The following ETV6 variants were observed in gnomAD, a reference collection of about 807,000 sequenced individuals.
ETV6 encodes the protein ETS variant transcription factor 6, also known as transcription factor ETV6.
ETV6 carries 16 observed loss-of-function variants against 51.1 expected under a neutral mutation model. That is an observed-to-expected ratio of 0.31 (90% CI 0.21 to 0.48). The LOEUF (loss-of-function observed/expected upper bound fraction) is 0.48. ETV6 is among the 20% of genes least tolerant of loss of function. The pLI is 0.99. For missense variants in ETV6, 458 were observed against 594.8 expected (o/e 0.77, Z 2.39); for synonymous variants, 240 against 224.1 (o/e 1.07, Z -0.64).
chr12:11,698,134 G>C (rs1029637120), intron 1 of ETV6, among the ~76,000 whole-genome samples: 2 of 152,142 alleles, frequency 1.3e-5, no homozygotes, highest in African/African-American at 4.8e-5. Context: ...TCTGTCCTTA[G>C]TTTCCTGTCC....
rs145370111 is a variant in ETV6 at position 11,839,416 on chromosome 12, G to C, written c.328+112G>C. ...AAATCCCAACAGTGAGTCATCACAA[G>C]GAAGGGATGACGATGGAAGGAAGTT... On this transcript the variant is annotated intron_variant, in intron 3 of 7. Transcript: ENST00000396373. The C allele has an allele frequency of 3.0e-4, 327 of 1,089,040 alleles. No individual in the cohort carries two copies. The African/African-American group carries it at 4.9e-3, about 16-fold the overall frequency. The allele number at this position is 1,089,040 out of a possible 1,614,324, so 67.5% of individuals were successfully genotyped here. A position where few individuals can be genotyped will look rare whatever the true frequency, so the allele number is the denominator to read the frequency against.
intron 1 of ETV6, among the ~76,000 whole-genome samples, chr12:11,724,786 C>T (rs2120944193): frequency 6.6e-6 from 1 of 152,328 alleles, no homozygotes; most frequent in African/African-American, 2.4e-5. Flanking sequence ...AGAGGCTTGT[C>T]TGGCTGTGAG....
At chr12:11,879,035 C>T (rs1014480183) in intron 5 of ETV6, among the ~76,000 whole-genome samples, 2 of 152,114 alleles carry the variant, frequency 1.3e-5, no homozygotes, top group Non-Finnish European at 2.9e-5. Flanking sequence ...ACCAGAAATG[C>T]CTCCAGATAT....
At chr12:11,676,328 C>A (rs989084727) in intron 1 of ETV6, among the ~76,000 whole-genome samples, 1 of 152,240 alleles carries the variant, frequency 6.6e-6, no homozygotes, top group African/African-American at 2.4e-5. Flanking sequence ...CTCCCTCCCC[C>A]AGTCCCAGAT....
intron 1 of ETV6, among the ~76,000 whole-genome samples, chr12:11,662,052 A>G (rs34744715): frequency 0.038 from 5,725 of 152,214 alleles, 126 homozygotes; most frequent in Admixed American, 0.063. Flanking sequence ...GGTGTTAGGT[A>G]ACATCTCAAG....
chr12:11,711,864 A>G (rs913925944), intron 1 of ETV6, among the ~76,000 whole-genome samples: 4 of 152,294 alleles, frequency 2.6e-5, no homozygotes, highest in South Asian at 4.1e-4. Flanking sequence ...ATTGTATGGT[A>G]TTTCCCAACC....
At chr12:11,882,074 AAGG>A (rs1378114639) in intron 5 of ETV6, among the ~76,000 whole-genome samples, 1 of 152,200 alleles carries the variant, frequency 6.6e-6, no homozygotes. Context: ...TTGTTTTAAG[AAGG>A]AGGCCACTTG....
chr12:11,757,102 T>C (rs1234319692), intron 2 of ETV6, among the ~76,000 whole-genome samples: 1 of 152,172 alleles, frequency 6.6e-6, no homozygotes, highest in African/African-American at 2.4e-5. Context: ...ATAGCCATAA[T>C]AGCCGCTCGG....
intron 1 of ETV6, among the ~76,000 whole-genome samples, chr12:11,728,458 C>A (rs1476972649): frequency 7.0e-6 from 1 of 141,954 alleles, no homozygotes; most frequent in East Asian, 2.3e-4. Flanking sequence ...AGCACGAACC[C>A]TGTTGTGAAT....
At chr12:11,853,398 C>G in intron 3 of ETV6, 29 bp from the exon 4 acceptor site, 1 of 1,613,616 alleles carries the variant, frequency 6.2e-7, no homozygotes, top group South Asian at 1.1e-5. Context: ...CTTTCCATTT[C>G]TCGATTTCCC....
chr12:11,860,258 G>T (rs1032817141), intron 4 of ETV6, among the ~76,000 whole-genome samples: 2 of 152,208 alleles, frequency 1.3e-5, no homozygotes, highest in Non-Finnish European at 2.9e-5. Context: ...TGCTGGAATC[G>T]TGTTGATGAC....
intron 1 of ETV6, among the ~76,000 whole-genome samples, chr12:11,735,856 T>G (rs1865694347): frequency 6.6e-6 from 1 of 152,228 alleles, no homozygotes; most frequent in African/African-American, 2.4e-5. Flanking sequence ...CGCCTTGGCC[T>G]CCCAAAGTGC....
At chr12:11,731,263 C>A (rs902227310) in intron 1 of ETV6, among the ~76,000 whole-genome samples, 1 of 152,152 alleles carries the variant, frequency 6.6e-6, no homozygotes, top group African/African-American at 2.4e-5. Context: ...GCACCTAACA[C>A]AGTGTTTAAT....
At chr12:11,710,193 A>G (rs1865147649) in intron 1 of ETV6, among the ~76,000 whole-genome samples, 2 of 152,030 alleles carry the variant, frequency 1.3e-5, no homozygotes, top group African/African-American at 4.8e-5. Flanking sequence ...TCTCCCTTTT[A>G]GTATTCTGTC....
chr12:11,687,879 A>G (rs1864666611), intron 1 of ETV6, among the ~76,000 whole-genome samples: 1 of 152,246 alleles, frequency 6.6e-6, no homozygotes, highest in Non-Finnish European at 1.5e-5. Flanking sequence ...GTGAACTGGA[A>G]TAATGATAAC....
At chr12:11,875,046 TA>T (rs140591631) in intron 5 of ETV6, among the ~76,000 whole-genome samples, 63,991 of 150,144 alleles carry the variant, frequency 0.43, 14,023 homozygotes, top group South Asian at 0.53. Flanking sequence ...AAAGTATAAT[TA>T]AAAAAAAAAG....
chr12:11,657,541 T>C (rs1864022367), intron 1 of ETV6, among the ~76,000 whole-genome samples: 1 of 152,236 alleles, frequency 6.6e-6, no homozygotes, highest in Non-Finnish European at 1.5e-5. Context: ...TTTAAAAGGC[T>C]AAGCTTCAGT....
At chr12:11,750,882 A>G in intron 1 of ETV6, 1 of 484,610 alleles carries the variant, frequency 2.1e-6, no homozygotes, top group Non-Finnish European at 4.0e-6. Context: ...AGTTTCTCAA[A>G]ATACATGTGA....
chr12:11,738,286 T>C (rs1420283226), intron 1 of ETV6, among the ~76,000 whole-genome samples: 1 of 141,370 alleles, frequency 7.1e-6, no homozygotes, highest in Non-Finnish European at 1.5e-5. Flanking sequence ...TCTCTCTCTC[T>C]CTGTTTTTTG....
Sources: allele counts gnomAD v4.1 joint callset (sites outside exome capture counted in the v4.1 genomes callset), GRCh38; gene constraint gnomAD v4.1.1; transcripts MANE v1.5; gene names NCBI Gene and HGNC (gene_info 2026-07-23, HGNC 2026-07-21).